SYBU: variants seen among roughly 807,000 people sequenced by gnomAD.
The protein encoded by SYBU is syntabulin.
A neutral mutation model predicts 35.9 loss-of-function variants in SYBU; 21 were observed. The ratio of observed to expected loss-of-function variants is 0.58; its 90% CI spans 0.41 to 0.84. The LOEUF (loss-of-function observed/expected upper bound fraction) is 0.84, where lower values mean the gene tolerates loss of function less well. SYBU is among the 40% of genes least tolerant of loss of function. The probability of loss-of-function intolerance (pLI) is 0.00; values close to 1 mark genes in which losing one functional copy is unlikely to be tolerated. For missense variants in SYBU, 768 were observed against 848.2 expected (o/e 0.91, Z 1.17); for synonymous variants, 319 against 324.3 (o/e 0.98, Z 0.18).
chr8:109,628,039 T>A (rs1813169626), intron 2 of SYBU, among the ~76,000 whole-genome samples: 1 of 152,234 alleles, frequency 6.6e-6, no homozygotes, highest in African/African-American at 2.4e-5. Context: ...ATAAATCTCA[T>A]CCATTCATCC....
chr8:109,649,300 C>G (rs1279433460), upstream of SYBU, among the ~76,000 whole-genome samples: 1 of 152,018 alleles, frequency 6.6e-6, no homozygotes, highest in South Asian at 2.1e-4. Flanking sequence ...CCGTGCCCAG[C>G]CCAACCCTTG....
intron 3 of SYBU, among the ~76,000 whole-genome samples, chr8:109,588,859 C>G (rs1009228566): frequency 6.6e-6 from 1 of 152,122 alleles, no homozygotes; most frequent in Non-Finnish European, 1.5e-5. Context: ...GAGTACCTAA[C>G]CTAAAAACAT....
chr8:109,609,845 C>A (rs544057261), intron 3 of SYBU, among the ~76,000 whole-genome samples: 1 of 152,262 alleles, frequency 6.6e-6, no homozygotes, highest in East Asian at 1.9e-4. Context: ...TCTCCCTATG[C>A]TTTTCTGTAT....
At chr8:109,644,142 G>A (rs1338156836) in intron 1 of SYBU, 2 of 458,614 alleles carry the variant, frequency 4.4e-6, no homozygotes, top group East Asian at 1.4e-4. Context: ...AACTTCGGAG[G>A]GCCCTCAGGC....
At chr8:109,577,181 G>T (rs935774307) in intron 6 of SYBU, among the ~76,000 whole-genome samples, 3 of 152,126 alleles carry the variant, frequency 2.0e-5, no homozygotes, top group Non-Finnish European at 4.4e-5. Flanking sequence ...GGGCTGATCA[G>T]GTAGCCCAGA....
At chr8:109,617,709 T>C (rs1811968949) in intron 3 of SYBU, among the ~76,000 whole-genome samples, 1 of 152,212 alleles carries the variant, frequency 6.6e-6, no homozygotes. Flanking sequence ...TTCTTTTACA[T>C]ATTATTCCAA....
In SYBU at chr8:109,619,409, T is replaced by C. The variant is rs866689367; in HGVS notation, c.230-370A>G. Among the ~76,000 whole-genome samples the C allele has an allele frequency of 1.5e-4, 23 of 152,094 alleles. 2 individuals are homozygous for C. Among genetic ancestry groups the C allele is most frequent in the Middle Eastern group, 6.8e-3 (2 of 294 alleles). ...CGGGTATTTTTTGTGTGTATTTTAG[T>C]ACAGACAGGGTTTCACCATGTTGGC... On this transcript the variant is annotated intron_variant, in intron 2 of 6. Transcript: ENST00000276646.
intron 1 of SYBU, among the ~76,000 whole-genome samples, chr8:109,688,096 A>G (rs1817561499): frequency 6.6e-6 from 1 of 152,172 alleles, no homozygotes; most frequent in African/African-American, 2.4e-5. Flanking sequence ...GTACACAGAT[A>G]ATTTTAGGTG....
chr8:109,598,791 G>C (rs563341895), intron 3 of SYBU, among the ~76,000 whole-genome samples: 1 of 152,300 alleles, frequency 6.6e-6, no homozygotes, highest in Non-Finnish European at 1.5e-5. Flanking sequence ...GTTAGAAATG[G>C]CTTGTTATGT....
chr8:109,599,574 T>C (rs1460628169), intron 3 of SYBU, among the ~76,000 whole-genome samples: 2 of 152,230 alleles, frequency 1.3e-5, no homozygotes, highest in Non-Finnish European at 2.9e-5. Flanking sequence ...TCTGTCTGTT[T>C]AGTAACTGTG....
intron 3 of SYBU, among the ~76,000 whole-genome samples, chr8:109,597,779 G>T (rs934522672): frequency 6.6e-6 from 1 of 152,172 alleles, no homozygotes; most frequent in African/African-American, 2.4e-5. Flanking sequence ...TACAGGCAAA[G>T]TAAAAATTTC....
chr8:109,612,267 T>C (rs1811255961), intron 3 of SYBU, among the ~76,000 whole-genome samples: 1 of 152,198 alleles, frequency 6.6e-6, no homozygotes, highest in Admixed American at 6.5e-5. Context: ...GCTTGATAAC[T>C]ATTCGTTTAA....
chr8:109,630,362 A>G (rs1424018139), intron 2 of SYBU, among the ~76,000 whole-genome samples: 2 of 151,364 alleles, frequency 1.3e-5, no homozygotes, highest in African/African-American at 4.9e-5. Flanking sequence ...AGCATGGCAC[A>G]TGTATACATA....
In SYBU at chr8:109,642,902, C is replaced by T; in HGVS notation, c.55G>A (p.Glu19Lys). ...CGGGGAATTCGGCTTCGAGAAATCTCCTTGTCATGATGCTGCACTCTGTGC... is the reference window on the plus strand; with the variant it reads ...CGGGGAATTCGGCTTCGAGAAATCTTCTTGTCATGATGCTGCACTCTGTGC... Reference protein sequence around the residue: ...KEHRVQHHDKEISRSRIPRLI... With the variant: ...KEHRVQHHDKKISRSRIPRLI... Residue 19 changes from glutamate to lysine, a missense_variant, in exon 2 of 7, where the codon GAG becomes AAG. Coordinates refer to ENST00000276646, the MANE Select transcript of SYBU (RefSeq NM_001099754.2). 1 of 1,583,414 alleles carries T rather than the reference C, an allele frequency of 6.3e-7. No homozygotes were observed. Among genetic ancestry groups the T allele is most frequent in the Non-Finnish European group, 8.6e-7 (1 of 1,162,998 alleles).
At chr8:109,688,919 C>A (rs1209071902) in intron 1 of SYBU, among the ~76,000 whole-genome samples, 1 of 152,052 alleles carries the variant, frequency 6.6e-6, no homozygotes, top group Non-Finnish European at 1.5e-5. Flanking sequence ...TGCTAAGATG[C>A]TATTTGATAC....
At chr8:109,688,543 C>A (rs1237299608) in intron 1 of SYBU, among the ~76,000 whole-genome samples, 1 of 152,188 alleles carries the variant, frequency 6.6e-6, no homozygotes, top group Non-Finnish European at 1.5e-5. Context: ...GAGGGTGGCT[C>A]TGAACATCCA....
exon 1 of SYBU, chr8:109,680,795 T>C (rs909800826): frequency 2.0e-5 from 3 of 152,200 alleles, no homozygotes; most frequent in Non-Finnish European, 2.9e-5. Context: ...AGTCAAGGAC[T>C]GGTGACTTGT....
At chr8:109,608,536 G>A (rs1211408678) in intron 3 of SYBU, among the ~76,000 whole-genome samples, 2 of 152,144 alleles carry the variant, frequency 1.3e-5, no homozygotes. Flanking sequence ...TCTGAGGACA[G>A]AAAATGGAAT....
intron 2 of SYBU, among the ~76,000 whole-genome samples, chr8:109,638,914 A>G (rs933346430): frequency 1.3e-5 from 2 of 152,244 alleles, no homozygotes; most frequent in Non-Finnish European, 2.9e-5. Context: ...ACACACCCCA[A>G]ATGAATTGCA....
Sources: allele counts gnomAD v4.1 joint callset (sites outside exome capture counted in the v4.1 genomes callset), GRCh38; gene constraint gnomAD v4.1.1; transcripts MANE v1.5; gene names NCBI Gene and HGNC (gene_info 2026-07-23, HGNC 2026-07-21).